RNLS: variants seen among roughly 807,000 people sequenced by gnomAD.
RNLS encodes renalase, FAD dependent amine oxidase, also known as renalase.
Under a neutral mutation model 39.8 loss-of-function variants are expected in RNLS, and 39 were observed. The ratio of observed to expected loss-of-function variants is 0.98; its 90% CI spans 0.76 to 1.28. RNLS has a LOEUF of 1.28. Ranked by LOEUF, RNLS falls within the 50% of genes most tolerant of loss-of-function variation. RNLS has a pLI of 0.00. For missense variants in RNLS, 410 were observed against 413.3 expected, an observed-to-expected ratio of 0.99 and a Z score of 0.07; for synonymous variants, 147 against 150.7, an observed-to-expected ratio of 0.98 and a Z score of 0.18.
chr10:88,479,801 T>C (rs552410322), intron 4 of RNLS, among the ~76,000 whole-genome samples: 12 of 151,416 alleles, frequency 7.9e-5, no homozygotes, highest in South Asian at 2.1e-4. Context: ...TTCTTTTTTT[T>C]TTTTTTTAAG....
At chr10:88,206,689 C>T in the RNLS span, among the ~76,000 whole-genome samples, 5 of 152,262 alleles carry the variant, frequency 3.3e-5, no homozygotes, top group African/African-American at 1.2e-4. Flanking sequence ...ATACATCTTG[C>T]TAAAGTGAAT....
intron 4 of RNLS, among the ~76,000 whole-genome samples, chr10:88,489,179 A>C (rs992500478): frequency 1.3e-5 from 2 of 152,184 alleles, no homozygotes; most frequent in African/African-American, 4.8e-5. Context: ...GAGGTCAATT[A>C]AGGTTTCCAA....
intron 4 of RNLS, among the ~76,000 whole-genome samples, chr10:88,432,233 C>A (rs1855177464): frequency 6.6e-6 from 1 of 151,640 alleles, no homozygotes; most frequent in Non-Finnish European, 1.5e-5. Context: ...TTTTAATATT[C>A]TTTGTTCTAA....
the RNLS span, among the ~76,000 whole-genome samples, chr10:88,219,735 A>G: frequency 1.1e-4 from 17 of 152,186 alleles, no homozygotes; most frequent in African/African-American, 4.1e-4. Flanking sequence ...CTAATTTACC[A>G]TTCAGTGTCT....
At chr10:88,254,016 A>G in the RNLS span, among the ~76,000 whole-genome samples, 32 of 152,370 alleles carry the variant, frequency 2.1e-4, no homozygotes, top group Admixed American at 2.0e-3. Context: ...ATAAATCCTT[A>G]CCTTTAAAAG....
At chr10:88,318,375 G>A (rs1354492816) in intron 5 of RNLS, among the ~76,000 whole-genome samples, 2 of 152,226 alleles carry the variant, frequency 1.3e-5, no homozygotes, top group Non-Finnish European at 2.9e-5. Context: ...TAGCACTGAT[G>A]GCTAGGAAGG....
At chr10:88,261,467 A>T in the RNLS span, among the ~76,000 whole-genome samples, 72 of 152,280 alleles carry the variant, frequency 4.7e-4, no homozygotes, top group Non-Finnish European at 8.8e-5. Flanking sequence ...CCTTATAATG[A>T]TGCCTGCCCA....
chr10:88,411,084 C>A (rs1853628292), intron 4 of RNLS, among the ~76,000 whole-genome samples: 2 of 152,088 alleles, frequency 1.3e-5, no homozygotes, highest in Non-Finnish European at 2.9e-5. Flanking sequence ...CCTGTAACGG[C>A]CTTTGCTATT....
chr10:88,285,246 A>G lies in RNLS; in HGVS notation c.*108T>C. 5 of 1,408,494 alleles carry G rather than the reference A, an allele frequency of 3.5e-6. No individual in the cohort carries two copies. The highest frequency in any genetic ancestry group is 4.6e-6 in the Non-Finnish European group (5 of 1,078,074). 87.2% of individuals were successfully genotyped at this position (1,408,494 alleles called of 1,614,324 possible). ...CATGAAAAATGATAATAAGTGAAGA[A>G]CAATTTTCCAGTAATTTTTCTTAGC... On this transcript the variant is annotated 3_prime_UTR_variant, in exon 7 of 7. Transcript: ENST00000331772.
At chr10:88,266,839 C>G in the RNLS span, among the ~76,000 whole-genome samples, 1 of 132,886 alleles carries the variant, frequency 7.5e-6, no homozygotes, top group Non-Finnish European at 1.6e-5. Flanking sequence ...TTAAGAGAAC[C>G]TGCTGTGAGA....
At chr10:88,256,722 A>C in the RNLS span, among the ~76,000 whole-genome samples, 1 of 152,170 alleles carries the variant, frequency 6.6e-6, no homozygotes, top group African/African-American at 2.4e-5. Context: ...ACAAAGCCAC[A>C]TTTTGGAGCC....
intron 4 of RNLS, among the ~76,000 whole-genome samples, chr10:88,499,672 A>G (rs1845363888): frequency 6.6e-6 from 1 of 152,036 alleles, no homozygotes; most frequent in Admixed American, 6.6e-5. Flanking sequence ...GATCGAAGTG[A>G]ACCCCAGAAG....
chr10:88,351,565 C>T (rs1041180900), intron 5 of RNLS, among the ~76,000 whole-genome samples: 2 of 152,172 alleles, frequency 1.3e-5, no homozygotes, highest in African/African-American at 4.8e-5. Flanking sequence ...TTTCTGAGGG[C>T]TCTGTTCTGT....
chr10:88,319,034 T>A (rs1845977036), intron 5 of RNLS, among the ~76,000 whole-genome samples: 1 of 152,208 alleles, frequency 6.6e-6, no homozygotes, highest in African/African-American at 2.4e-5. Flanking sequence ...CCAGAAGGGC[T>A]GAGTGCTAGT....
At chr10:88,292,133 C>T (rs997986453) in intron 6 of RNLS, among the ~76,000 whole-genome samples, 2 of 151,916 alleles carry the variant, frequency 1.3e-5, no homozygotes, top group South Asian at 2.1e-4. Context: ...CAGTGGTACA[C>T]TCTTTGCAGC....
At chr10:88,227,460 G>A in the RNLS span, among the ~76,000 whole-genome samples, 1 of 152,190 alleles carries the variant, frequency 6.6e-6, no homozygotes, top group Non-Finnish European at 1.5e-5. Flanking sequence ...AGCATCCTCA[G>A]CTAATGTCAG....
chr10:88,522,977 G>C (rs1846849102), intron 4 of RNLS, among the ~76,000 whole-genome samples: 1 of 152,048 alleles, frequency 6.6e-6, no homozygotes. Context: ...TGTTTGATAG[G>C]AACTCAAGAG....
intron 4 of RNLS, among the ~76,000 whole-genome samples, chr10:88,475,482 T>G (rs1186059176): frequency 6.6e-6 from 1 of 152,208 alleles, no homozygotes; most frequent in African/African-American, 2.4e-5. Context: ...ACATTTTCAA[T>G]GATCTTTTTA....
the RNLS span, among the ~76,000 whole-genome samples, chr10:88,249,851 C>A: frequency 6.6e-6 from 1 of 152,184 alleles, no homozygotes; most frequent in Non-Finnish European, 1.5e-5. Flanking sequence ...TTGCGATAGT[C>A]CCAAGTCCAC....
Sources: allele counts gnomAD v4.1 joint callset (sites outside exome capture counted in the v4.1 genomes callset), GRCh38; gene constraint gnomAD v4.1.1; transcripts MANE v1.5; gene names NCBI Gene and HGNC (gene_info 2026-07-23, HGNC 2026-07-21).